DTD1: variants seen among roughly 807,000 people sequenced by gnomAD.
DTD1 encodes D-tyrosyl-tRNA deacylase 1 homolog.
In DTD1, 13 loss-of-function variants were observed where a neutral mutation model predicts 25.6. The observed-to-expected ratio is 0.51, with a 90% confidence interval of 0.33 to 0.81. The LOEUF (loss-of-function observed/expected upper bound fraction) is 0.81. Ranked by LOEUF, DTD1 falls within the 30% of genes least tolerant of loss-of-function variation. The probability of loss-of-function intolerance (pLI) is 0.02; values close to 1 mark genes in which losing one functional copy is unlikely to be tolerated. For missense variants in DTD1, 193 were observed against 266.4 expected, an observed-to-expected ratio of 0.72 and a Z score of 1.92; for synonymous variants, 110 against 103.6, an observed-to-expected ratio of 1.06 and a Z score of -0.37.
At chr20:18,743,673 C>CA (rs11474877) in intron 4 of DTD1, among the ~76,000 whole-genome samples, 1,475 of 105,034 alleles carry the variant, frequency 0.014, 38 homozygotes, top group African/African-American at 0.047. Context: ...GACCCTGTCT[C>CA]AAAAAAAAAA....
intron 5 of DTD1, among the ~76,000 whole-genome samples, chr20:18,753,505 G>C (rs2061328397): frequency 6.7e-6 from 1 of 149,388 alleles, no homozygotes; most frequent in African/African-American, 2.5e-5. Context: ...CTACTCAGGA[G>C]GCTGAGACAG....
chr20:18,651,196 G>A (rs1454196355), intron 4 of DTD1, among the ~76,000 whole-genome samples: 3 of 152,178 alleles, frequency 2.0e-5, no homozygotes, highest in Non-Finnish European at 4.4e-5. Context: ...CTGTTATGCC[G>A]GCTAGAGTAC....
At chr20:18,742,923 A>G (rs867607168) in intron 4 of DTD1, among the ~76,000 whole-genome samples, 6 of 152,204 alleles carry the variant, frequency 3.9e-5, no homozygotes, top group Admixed American at 3.9e-4. Flanking sequence ...CCTTCTTTTT[A>G]TGTAAACTAG....
intron 4 of DTD1, among the ~76,000 whole-genome samples, chr20:18,696,115 C>G (rs2061075099): frequency 6.6e-6 from 1 of 152,132 alleles, no homozygotes. Context: ...ATGCTGTTGT[C>G]ATATCTGCAC....
intron 5 of DTD1, among the ~76,000 whole-genome samples, chr20:18,756,598 C>A (rs1273672386): frequency 1.3e-5 from 2 of 152,126 alleles, no homozygotes; most frequent in Non-Finnish European, 2.9e-5. Flanking sequence ...GGAATTATTT[C>A]TGAGGACTCT....
chr20:18,735,474 C>A (rs758575759), intron 4 of DTD1, among the ~76,000 whole-genome samples: 1 of 152,186 alleles, frequency 6.6e-6, no homozygotes, highest in Non-Finnish European at 1.5e-5. Context: ...TGGCATGAGG[C>A]GGGCTCTTAT....
At chr20:18,592,474 CCAGGACCAGAGGACCA>C (rs2060593300) in intron 1 of DTD1, 1 of 152,008 alleles carries the variant, frequency 6.6e-6, no homozygotes, top group African/African-American at 2.4e-5. Context: ...TGGTGAGTTC[CCAGGACCAGAGGACCA>C]TCAGGAGGGA....
At chr20:18,692,890 A>ATTTTTT (rs34962546) in intron 4 of DTD1, among the ~76,000 whole-genome samples, 5 of 112,462 alleles carry the variant, frequency 4.4e-5, no homozygotes, top group Admixed American at 1.1e-4. Context: ...CAGGACATGG[A>ATTTTTT]TTTTTTTTTT....
At position 18,602,830 on chromosome 20, in the gene DTD1, G is replaced by GT. The variant is rs1221581351; in HGVS notation, c.370+6590dup. Among the ~76,000 whole-genome samples the GT allele has an allele frequency of 3.1e-5, 3 of 97,358 alleles. 1 individual carries two copies. Among genetic ancestry groups the GT allele is most frequent in the Non-Finnish European group, 4.6e-5 (2 of 43,602 alleles). The allele number at this position is 97,358 out of a possible 152,430, so 63.9% of individuals were successfully genotyped here. On this transcript the variant is annotated intron_variant, in intron 3 of 5. Coordinates refer to ENST00000377452, the MANE Select transcript of DTD1 (RefSeq NM_080820.6). ...AGCCGCTGCAAAATCATGCCAAAATGTAAAGACCATCGAGACTAGGAAGAA... is the reference window on the plus strand; with the variant it reads ...AGCCGCTGCAAAATCATGCCAAAATGTTAAAGACCATCGAGACTAGGAAGAA...
intron 4 of DTD1, among the ~76,000 whole-genome samples, chr20:18,732,342 A>C (rs1350281965): frequency 6.6e-6 from 1 of 152,218 alleles, no homozygotes; most frequent in Non-Finnish European, 1.5e-5. Context: ...ACTCTGTTAC[A>C]GTTCATGATT....
intron 4 of DTD1, among the ~76,000 whole-genome samples, chr20:18,696,796 C>G (rs1448679655): frequency 6.6e-6 from 1 of 151,904 alleles, no homozygotes; most frequent in African/African-American, 2.4e-5. Context: ...TCAGGTGATA[C>G]GCCCACCTCG....
In DTD1 at chr20:18,763,914, C is replaced by G. The variant is rs2061372388; in HGVS notation, c.*574C>G. 1 of 152,144 alleles carries G rather than the reference C, an allele frequency of 6.6e-6. No homozygotes were observed. The highest frequency in any genetic ancestry group is 2.1e-4 in the South Asian group (1 of 4,832). The allele number at this position is 152,144 out of a possible 1,614,324, so 9.4% of individuals were successfully genotyped here. ...CTCAACAAACCACTTTATTATCAAA[C>G]AAATTCTGCTCTGTTTCTGCATAAC... On this transcript the variant is annotated 3_prime_UTR_variant, in exon 6 of 6. Coordinates refer to ENST00000377452, the MANE Select transcript of DTD1 (RefSeq NM_080820.6).
intron 4 of DTD1, among the ~76,000 whole-genome samples, chr20:18,669,663 A>G (rs574995672): frequency 2.0e-5 from 3 of 152,058 alleles, no homozygotes; most frequent in African/African-American, 7.2e-5. Context: ...CCAGCCTCTA[A>G]AAGTTAGGTG....
chr20:18,746,835 G>A (rs1452439969), intron 5 of DTD1, among the ~76,000 whole-genome samples: 1 of 152,196 alleles, frequency 6.6e-6, no homozygotes, highest in Non-Finnish European at 1.5e-5. Flanking sequence ...TTTTAGGGGA[G>A]GGGACTGGAC....
intron 4 of DTD1, among the ~76,000 whole-genome samples, chr20:18,658,211 G>C (rs1384610194): frequency 6.6e-6 from 1 of 152,028 alleles, no homozygotes; most frequent in South Asian, 2.1e-4. Flanking sequence ...GTGTGTGTGT[G>C]TGTGTGTGTG....
intron 4 of DTD1, among the ~76,000 whole-genome samples, chr20:18,720,440 G>C (rs891682426): frequency 6.6e-6 from 1 of 152,130 alleles, no homozygotes; most frequent in Non-Finnish European, 1.5e-5. Flanking sequence ...ACCTTCATAA[G>C]ATTTTCAGGA....
chr20:18,622,078 T>A (rs1410300521), intron 3 of DTD1, among the ~76,000 whole-genome samples: 6 of 144,462 alleles, frequency 4.2e-5, no homozygotes, highest in African/African-American at 7.6e-5. Context: ...AAAAAAAAAA[T>A]TATTTTGCTT....
chr20:18,687,577 G>A (rs1414048072), intron 4 of DTD1, among the ~76,000 whole-genome samples: 1 of 150,762 alleles, frequency 6.6e-6, no homozygotes, highest in Non-Finnish European at 1.5e-5. Flanking sequence ...TTTTTTTATT[G>A]AGATAAGGTT....
At position 18,700,337 on chromosome 20, in the gene DTD1, C is replaced by T. The variant is rs1229986125; in HGVS notation, c.478-43763C>T. Reference sequence around the variant, plus strand: ...AAAACACAGGTTCTTTTTAGTGGCTCATCATTTGACTGTCTTCAGTAGCCT... The same window carrying T: ...AAAACACAGGTTCTTTTTAGTGGCTTATCATTTGACTGTCTTCAGTAGCCT... On this transcript the variant is annotated intron_variant, in intron 4 of 5. Coordinates refer to ENST00000377452, the MANE Select transcript of DTD1 (RefSeq NM_080820.6). Among the ~76,000 whole-genome samples the T allele has an allele frequency of 2.6e-5, 4 of 152,236 alleles. No individual in the cohort carries two copies. The East Asian group carries it at 7.7e-4, about 29-fold the overall frequency.
Sources: gnomAD v4.1 joint callset for allele counts (sites outside exome capture counted in the v4.1 genomes callset) on GRCh38, gnomAD v4.1.1 for gene constraint, MANE v1.5 for transcripts, NCBI Gene and HGNC (gene_info 2026-07-23, HGNC 2026-07-21) for gene names.